RAD54B: variants seen among roughly 807,000 people sequenced by gnomAD.
RAD54B encodes RAD54 homolog B.
Under a neutral mutation model 95.8 loss-of-function variants are expected in RAD54B, and 78 were observed. The ratio of observed to expected loss-of-function variants is 0.81; its 90% CI spans 0.68 to 0.98. RAD54B has a LOEUF of 0.98. RAD54B is among the 50% of genes least tolerant of loss of function. RAD54B has a pLI of 0.00. For missense variants in RAD54B, 957 were observed against 1,056.6 expected, an observed-to-expected ratio of 0.91 and a Z score of 1.31; for synonymous variants, 328 against 354.9, an observed-to-expected ratio of 0.92 and a Z score of 0.85.
chr8:94,415,389 C>T (rs1473338749), intron 3 of RAD54B, among the ~76,000 whole-genome samples: 1 of 150,592 alleles, frequency 6.6e-6, no homozygotes, highest in Non-Finnish European at 1.5e-5. Context: ...AAGACTTAAA[C>T]GTTAGATCTA....
At chr8:94,414,890 T>G (rs1285154673) in intron 3 of RAD54B, among the ~76,000 whole-genome samples, 2 of 152,250 alleles carry the variant, frequency 1.3e-5, no homozygotes, top group East Asian at 1.9e-4. Flanking sequence ...TGGAAGAACA[T>G]TCCATGCTCA....
intron 3 of RAD54B, among the ~76,000 whole-genome samples, chr8:94,427,112 A>G (rs549976412): frequency 8.5e-5 from 13 of 152,266 alleles, no homozygotes; most frequent in African/African-American, 3.1e-4. Flanking sequence ...TTAGGGGAAA[A>G]AAAACTTTGT....
rs34588349 is a variant in RAD54B, at chr8:94,380,357, C to G, written c.2035G>C (p.Val679Leu). 7.0e-4 allele frequency: 1,130 copies of G among 1,613,818 alleles called. 3 individuals carry two copies. The African/African-American group carries it at 0.013, about 19-fold the overall frequency. ...TAAGCATATCCATGACGCTTACATA[C>G]TTCTTGTAAAATGTTCAAGGTTTGT... ...YTQTLNILQEVCKRHGYAYTR... is the reference protein window; with the variant it reads ...YTQTLNILQELCKRHGYAYTR... The change falls in exon 12 of 15, where the codon GTA (valine) becomes CTA (leucine). Residue 679 changes from valine (V) to leucine (L), a missense_variant. Physicochemically the swap from Val to Leu is conservative, Grantham distance 32 (BLOSUM62 1). Transcript: ENST00000336148.
At chr8:94,386,138 C>T (rs1024144075) in intron 11 of RAD54B, among the ~76,000 whole-genome samples, 1 of 151,934 alleles carries the variant, frequency 6.6e-6, no homozygotes, top group African/African-American at 2.4e-5. Flanking sequence ...TCATCATAAC[C>T]CAAATCAGTA....
rs1412309580 is a variant in RAD54B at position 94,427,867 on chromosome 8, GA to G, written c.305-16553del. The G allele has an allele frequency of 1.4e-5, 13 of 957,898 alleles. No homozygotes were observed. In the South Asian group the frequency reaches 3.9e-4, roughly 29 times the overall value. 59.3% of individuals were successfully genotyped at this position (957,898 alleles called of 1,614,324 possible). A position where few individuals can be genotyped will look rare whatever the true frequency, so the allele number is the denominator to read the frequency against. ...GACATTACTCCAAAAGAAGGCACAT[GA>G]AAAAAACTCATAGTTTAAACATTTT... On this transcript the variant is annotated intron_variant, in intron 3 of 14. Transcript: ENST00000336148.
intron 3 of RAD54B, among the ~76,000 whole-genome samples, chr8:94,448,770 G>T (rs1376307926): frequency 6.6e-6 from 1 of 151,986 alleles, no homozygotes; most frequent in Non-Finnish European, 1.5e-5. Context: ...GTGGGTTGGT[G>T]GGGGAGGAGG....
At chr8:94,377,529 G>T in intron 14 of RAD54B, among the ~76,000 whole-genome samples, 1 of 103,466 alleles carries the variant, frequency 9.7e-6, no homozygotes, top group Non-Finnish European at 1.8e-5. Context: ...GAGCAACAGA[G>T]CCAGACCCTG....
chr8:94,467,363 C>T (rs770124169), intron 2 of RAD54B, 42 bp downstream of exon 2: 3 of 1,466,248 alleles, frequency 2.0e-6, no homozygotes, highest in East Asian at 2.3e-5. Context: ...AACATACATG[C>T]TTCTCTATAT....
chr8:94,428,765 T>C (rs1812007381), intron 3 of RAD54B: 2 of 985,142 alleles, frequency 2.0e-6, no homozygotes, highest in Admixed American at 6.2e-5. Flanking sequence ...CTTTCCCCTA[T>C]ATATTCCCCT....
At chr8:94,426,918 T>C (rs1472376649) in intron 3 of RAD54B, among the ~76,000 whole-genome samples, 4 of 152,166 alleles carry the variant, frequency 2.6e-5, no homozygotes, top group Non-Finnish European at 5.9e-5. Context: ...TAAGGGTAAA[T>C]TATTCTAACT....
Position 94,391,860 on chromosome 8 carries a change from T to C in RAD54B, c.1558A>G (p.Thr520Ala). 1 of 1,612,840 alleles carries C rather than the reference T, an allele frequency of 6.2e-7. No individual in the cohort carries two copies. Among genetic ancestry groups the C allele is most frequent in the Non-Finnish European group, 8.5e-7 (1 of 1,179,692 alleles). ...ELGERRAAEL[T>A]CLTGLFILRR... ...AGGATAAAGAGTCCAGTGAGGCAAG[T>C]AAGTTCAGCTGCTCTTCTTTCTCCT... Residue 520 changes from threonine to alanine, a missense_variant, in exon 10 of 15, where the codon ACT (threonine) becomes GCT (alanine). By Grantham distance (58) the Thr-to-Ala change is moderately conservative. Coordinates refer to ENST00000336148, the MANE Select transcript of RAD54B (RefSeq NM_012415.3).
At chr8:94,404,294 AT>A in intron 5 of RAD54B, 55 bp from the exon 6 acceptor site, 3 of 1,431,946 alleles carry the variant, frequency 2.1e-6, no homozygotes, top group Non-Finnish European at 2.8e-6. Flanking sequence ...AGCAACCAAC[AT>A]TATCTTGTTT....
chr8:94,379,605 A>T (rs1810685318), intron 12 of RAD54B, among the ~76,000 whole-genome samples: 1 of 152,058 alleles, frequency 6.6e-6, no homozygotes, highest in Non-Finnish European at 1.5e-5. Context: ...GAATCATTAA[A>T]CCTGAGGGTT....
rs1812070961 is a variant in RAD54B at position 94,430,711 on chromosome 8, A to T, written c.305-19396T>A. 8 of 934,926 alleles carry T rather than the reference A, an allele frequency of 8.6e-6. 1 individual carries two copies. In the South Asian group the frequency reaches 3.5e-4, roughly 40 times the overall value. 57.9% of individuals were successfully genotyped at this position (934,926 alleles called of 1,614,324 possible). On this transcript the variant is annotated intron_variant, in intron 3 of 14. Transcript: ENST00000336148. ...CACATGTTGTCTGTATAATGTTTTA[A>T]AAGCATTTTGTGTTATTTGCAAACA...
intron 3 of RAD54B, among the ~76,000 whole-genome samples, chr8:94,456,597 G>A (rs549223584): frequency 2.0e-5 from 3 of 152,118 alleles, no homozygotes; most frequent in Non-Finnish European, 2.9e-5. Context: ...TGTTAATTGC[G>A]TCATTCTTTC....
At chr8:94,425,337 G>A (rs1213775029) in intron 3 of RAD54B, among the ~76,000 whole-genome samples, 1 of 149,550 alleles carries the variant, frequency 6.7e-6, no homozygotes, top group African/African-American at 2.5e-5. Context: ...TTACAGGCAT[G>A]AGCCACCGCA....
chr8:94,419,918 C>T (rs980796456), intron 3 of RAD54B, among the ~76,000 whole-genome samples: 1 of 152,014 alleles, frequency 6.6e-6, no homozygotes, highest in African/African-American at 2.4e-5. Flanking sequence ...ATGGTGGTCC[C>T]GTAACATCTT....
intron 3 of RAD54B, chr8:94,428,902 G>GT: frequency 1.0e-6 from 1 of 985,152 alleles, no homozygotes; most frequent in Non-Finnish European, 1.2e-6. Flanking sequence ...AAGATACTCT[G>GT]TAAGATAATA....
chr8:94,383,466 C>T (rs1398676520), intron 11 of RAD54B, among the ~76,000 whole-genome samples: 2 of 152,094 alleles, frequency 1.3e-5, no homozygotes, highest in Non-Finnish European at 2.9e-5. Context: ...CAGTTACCTG[C>T]GGTCAACCTC....
Sources: allele counts gnomAD v4.1 joint callset (sites outside exome capture counted in the v4.1 genomes callset), GRCh38; gene constraint gnomAD v4.1.1; transcripts MANE v1.5; gene names NCBI Gene and HGNC (gene_info 2026-07-23, HGNC 2026-07-21).